GABRB1: variants seen among roughly 807,000 people sequenced by gnomAD.
GABRB1 encodes gamma-aminobutyric acid receptor subunit beta-1.
GABRB1 carries 17 observed loss-of-function variants against 51.6 expected under a neutral mutation model. That is an observed-to-expected ratio of 0.33 (90% CI 0.23 to 0.49). The LOEUF (loss-of-function observed/expected upper bound fraction) is 0.49. Ranked by LOEUF, GABRB1 falls within the 20% of genes least tolerant of loss-of-function variation. The probability of loss-of-function intolerance (pLI) is 0.99; values close to 1 mark genes in which losing one functional copy is unlikely to be tolerated. For synonymous variants in GABRB1, 247 were observed against 218.9 expected (o/e 1.13, Z -1.14); for missense variants, 410 against 600.6 (o/e 0.68, Z 3.32).
At chr4:47,402,471 T>C (rs954647372) in intron 5 of GABRB1, among the ~76,000 whole-genome samples, 7 of 152,212 alleles carry the variant, frequency 4.6e-5, no homozygotes, top group African/African-American at 1.7e-4. Context: ...CCTAAAATTA[T>C]TTTTAGATTT....
intron 3 of GABRB1, among the ~76,000 whole-genome samples, chr4:47,158,193 A>G (rs946975649): frequency 6.6e-6 from 1 of 152,022 alleles, no homozygotes; most frequent in Admixed American, 6.6e-5. Flanking sequence ...TCTGTTCTCC[A>G]CTTACCACAC....
intron 4 of GABRB1, among the ~76,000 whole-genome samples, chr4:47,247,830 G>T (rs1211959966): frequency 6.6e-6 from 1 of 151,966 alleles, no homozygotes; most frequent in East Asian, 1.9e-4. Flanking sequence ...GGTCGTTGTT[G>T]GTGTATAGAA....
intron 3 of GABRB1, among the ~76,000 whole-genome samples, chr4:47,071,264 A>G (rs776250339): frequency 3.9e-5 from 6 of 152,242 alleles, no homozygotes; most frequent in Non-Finnish European, 8.8e-5. Context: ...TCTGTGTTTC[A>G]GTACCAAACC....
At chr4:47,071,240 C>T (rs58533909) in intron 3 of GABRB1, among the ~76,000 whole-genome samples, 12,575 of 152,238 alleles carry the variant, frequency 0.083, 568 homozygotes, top group South Asian at 0.17. Flanking sequence ...ATAGCAAAAG[C>T]TTCTGAACTA....
chr4:47,011,672 T>C (rs1228697085), intron 1 of GABRB1, among the ~76,000 whole-genome samples: 1 of 152,174 alleles, frequency 6.6e-6, no homozygotes, highest in Non-Finnish European at 1.5e-5. Context: ...TCATATAGTT[T>C]CAATCTTAGG....
intron 1 of GABRB1, among the ~76,000 whole-genome samples, chr4:47,004,729 T>C (rs1467864410): frequency 6.6e-6 from 1 of 152,210 alleles, no homozygotes; most frequent in Non-Finnish European, 1.5e-5. Context: ...GATGACACAG[T>C]CTCTTCGAAT....
In GABRB1 at chr4:47,209,979, G is replaced by T. The variant is rs146080426; in HGVS notation, c.461+48510G>T. ...CCTTATTAAAGATGAGATAGGCATT[G>T]TATTTCAAAATAAGCATAATTTCCT... On this transcript the variant is annotated intron_variant, in intron 4 of 8. Coordinates refer to ENST00000295454, the MANE Select transcript of GABRB1 (RefSeq NM_000812.4). Among the ~76,000 whole-genome samples the T allele has an allele frequency of 6.8e-3, 1,035 of 152,180 alleles. 5 individuals carry two copies. Among genetic ancestry groups the T allele is most frequent in the Middle Eastern group, 0.034 (10 of 294 alleles).
intron 3 of GABRB1, among the ~76,000 whole-genome samples, chr4:47,058,681 A>G (rs1726722625): frequency 6.6e-6 from 1 of 152,062 alleles, no homozygotes; most frequent in Non-Finnish European, 1.5e-5. Flanking sequence ...CATAGGGGAT[A>G]TTTTATCTGC....
At chr4:47,130,375 G>GTGTGTGTA (rs1284041714) in intron 3 of GABRB1, among the ~76,000 whole-genome samples, 83 of 83,116 alleles carry the variant, frequency 1.0e-3, no homozygotes, top group African/African-American at 3.3e-3. Context: ...GTGTGTGTGT[G>GTGTGTGTA]TGTGCTTTCT....
At chr4:47,278,362 A>G (rs545266702) in intron 4 of GABRB1, among the ~76,000 whole-genome samples, 1 of 152,312 alleles carries the variant, frequency 6.6e-6, no homozygotes, top group East Asian at 1.9e-4. Flanking sequence ...TTTGAAATGC[A>G]TGCCAAAGAA....
At chr4:47,329,334 G>A (rs1025456776) in intron 5 of GABRB1, among the ~76,000 whole-genome samples, 4 of 151,574 alleles carry the variant, frequency 2.6e-5, no homozygotes, top group African/African-American at 7.3e-5. Flanking sequence ...AATAGAGCCA[G>A]TAGGCTAAAC....
chr4:47,398,845 C>T (rs562142511), intron 5 of GABRB1, among the ~76,000 whole-genome samples: 1 of 152,150 alleles, frequency 6.6e-6, no homozygotes, highest in South Asian at 2.1e-4. Context: ...AGCTGGAGTG[C>T]AGTGGCGCTA....
intron 4 of GABRB1, among the ~76,000 whole-genome samples, chr4:47,202,844 A>T (rs1190530999): frequency 6.6e-6 from 1 of 152,132 alleles, no homozygotes; most frequent in African/African-American, 2.4e-5. Context: ...CACCCAAGAA[A>T]CAGACAGTGG....
intron 4 of GABRB1, among the ~76,000 whole-genome samples, chr4:47,189,306 A>G (rs777588289): frequency 3.3e-5 from 5 of 151,916 alleles, no homozygotes; most frequent in African/African-American, 4.8e-5. Flanking sequence ...TTCCTTATAC[A>G]TAATATTATG....
intron 5 of GABRB1, among the ~76,000 whole-genome samples, chr4:47,337,679 A>C (rs1725746691): frequency 6.6e-6 from 1 of 151,774 alleles, no homozygotes; most frequent in African/African-American, 2.4e-5. Flanking sequence ...GTTTGGTGGC[A>C]CACACCTGTA....
At chr4:47,165,035 A>C (rs1384448912) in intron 4 of GABRB1, among the ~76,000 whole-genome samples, 4 of 152,120 alleles carry the variant, frequency 2.6e-5, no homozygotes, top group Non-Finnish European at 5.9e-5. Context: ...ATGTGCCGTA[A>C]GTTGTGTTAG....
chr4:47,275,593 T>C (rs1009831746), intron 4 of GABRB1, among the ~76,000 whole-genome samples: 6 of 151,706 alleles, frequency 4.0e-5, no homozygotes, highest in African/African-American at 1.5e-4. Flanking sequence ...TTAAGGGAGG[T>C]GGATGGGGGG....
At chr4:47,049,364 G>C (rs1403811030) in intron 3 of GABRB1, among the ~76,000 whole-genome samples, 1 of 152,168 alleles carries the variant, frequency 6.6e-6, no homozygotes, top group Non-Finnish European at 1.5e-5. Flanking sequence ...GGAGAAGCAT[G>C]CCAACTGTTT....
intron 1 of GABRB1, among the ~76,000 whole-genome samples, chr4:47,019,385 G>A (rs1438712691): frequency 4.0e-5 from 6 of 151,842 alleles, no homozygotes; most frequent in East Asian, 1.9e-4. Context: ...TTCTACCTAC[G>A]CTCACAATAT....
Sources: gnomAD v4.1 joint callset for allele counts (sites outside exome capture counted in the v4.1 genomes callset) on GRCh38, gnomAD v4.1.1 for gene constraint, MANE v1.5 for transcripts, NCBI Gene and HGNC (gene_info 2026-07-23, HGNC 2026-07-21) for gene names.